OCA2: variants seen among roughly 807,000 people sequenced by gnomAD.
OCA2 encodes P protein.
A neutral mutation model predicts 100.2 loss-of-function variants in OCA2; 77 were observed. The ratio of observed to expected loss-of-function variants is 0.77; its 90% CI spans 0.64 to 0.93. The LOEUF (loss-of-function observed/expected upper bound fraction) is 0.93. OCA2 is among the 40% of genes least tolerant of loss of function. The probability of loss-of-function intolerance (pLI) is 0.00; values close to 1 mark genes in which losing one functional copy is unlikely to be tolerated. For missense variants in OCA2, 1,062 were observed against 1,089.1 expected (o/e 0.98, Z 0.35); for synonymous variants, 432 against 439.2 (o/e 0.98, Z 0.21).
chr15:27,888,179 C>G (rs2037309238), intron 19 of OCA2, among the ~76,000 whole-genome samples: 1 of 152,152 alleles, frequency 6.6e-6, no homozygotes, highest in South Asian at 2.1e-4. Flanking sequence ...CCTTCCAGCC[C>G]CCAAGGCAGC....
intron 2 of OCA2, among the ~76,000 whole-genome samples, chr15:28,034,831 C>G (rs1234470705): frequency 1.3e-5 from 2 of 151,886 alleles, no homozygotes; most frequent in Non-Finnish European, 2.9e-5. Context: ...ACCTAGTAAT[C>G]ATAGCTTTTT....
At chr15:27,728,572 G>A in the OCA2 span, among the ~76,000 whole-genome samples, 5 of 152,128 alleles carry the variant, frequency 3.3e-5, no homozygotes, top group South Asian at 2.1e-4. Flanking sequence ...GATCACACAC[G>A]TACATCATGG....
intron 23 of OCA2, among the ~76,000 whole-genome samples, chr15:27,792,230 C>T (rs2033118866): frequency 6.6e-6 from 1 of 152,036 alleles, no homozygotes; most frequent in African/African-American, 2.4e-5. Context: ...CTTTCTTTCT[C>T]TTGCCTGCCT....
At chr15:27,990,729 G>C (rs1595777058) in intron 9 of OCA2, 82 bp from the exon 10 acceptor site, 1 of 1,140,142 alleles carries the variant, frequency 8.8e-7, no homozygotes. Context: ...ACATGAGGGG[G>C]TCTATATCTG....
At chr15:28,084,494 T>G (rs2044740379) in intron 1 of OCA2, among the ~76,000 whole-genome samples, 1 of 152,224 alleles carries the variant, frequency 6.6e-6, no homozygotes, top group South Asian at 2.1e-4. Flanking sequence ...GAGTTTTTTA[T>G]TGCTGCAAAA....
chr15:27,963,982 T>C (rs1358291759), intron 15 of OCA2, among the ~76,000 whole-genome samples: 4 of 152,132 alleles, frequency 2.6e-5, no homozygotes, highest in South Asian at 4.1e-4. Context: ...TTTATAACAA[T>C]ACATTCAACA....
chr15:27,732,849 A>C, the OCA2 span, among the ~76,000 whole-genome samples: 1 of 152,232 alleles, frequency 6.6e-6, no homozygotes, highest in East Asian at 1.9e-4. Context: ...AAAATAGGGT[A>C]TAAGGAAATA....
At chr15:27,863,396 C>T (rs2036208237) in intron 21 of OCA2, among the ~76,000 whole-genome samples, 1 of 152,196 alleles carries the variant, frequency 6.6e-6, no homozygotes, top group South Asian at 2.1e-4. Context: ...CTATTTATAG[C>T]TGGCAGGGGC....
intron 9 of OCA2, among the ~76,000 whole-genome samples, chr15:28,005,802 C>A (rs920518751): frequency 2.0e-5 from 3 of 152,154 alleles, no homozygotes; most frequent in African/African-American, 7.2e-5. Flanking sequence ...GATGTGGCAT[C>A]TTGGAAGTGG....
At chr15:27,803,973 C>T (rs1358312635) in intron 23 of OCA2, among the ~76,000 whole-genome samples, 2 of 152,144 alleles carry the variant, frequency 1.3e-5, no homozygotes, top group African/African-American at 4.8e-5. Flanking sequence ...TGGGTAGAAG[C>T]GTGATGGGTA....
At chr15:27,752,195 T>C (rs180996141), downstream of OCA2, among the ~76,000 whole-genome samples, 38 of 152,334 alleles carry the variant, frequency 2.5e-4, no homozygotes, top group African/African-American at 8.7e-4. Flanking sequence ...ATTTTCATGG[T>C]GAATTCAGAC....
At chr15:27,766,256 T>C (rs531785921) in intron 23 of OCA2, among the ~76,000 whole-genome samples, 47 of 152,354 alleles carry the variant, frequency 3.1e-4, no homozygotes, top group Non-Finnish European at 5.6e-4. Flanking sequence ...ATAGTCAACA[T>C]AACATTTTGA....
chr15:28,017,617 T>A (rs559163616), intron 7 of OCA2, among the ~76,000 whole-genome samples: 159 of 152,320 alleles, frequency 1.0e-3, no homozygotes, highest in Non-Finnish European at 2.1e-4. Context: ...TAGTTCATAA[T>A]GAGACCTTTG....
chr15:28,079,560 G>A (rs1260179838), intron 2 of OCA2, among the ~76,000 whole-genome samples: 1 of 152,092 alleles, frequency 6.6e-6, no homozygotes, highest in African/African-American at 2.4e-5. Context: ...CTGTGGGTGG[G>A]TTGGGCCAAC....
At position 28,018,471 on chromosome 15, in the gene OCA2, C is replaced by A. The variant is rs1439057856; in HGVS notation, c.733G>T (p.Gly245Trp). The A allele has an allele frequency of 8.7e-6, 14 of 1,613,986 alleles. 1 individual carries two copies. The highest frequency in any genetic ancestry group is 1.2e-5 in the Non-Finnish European group (14 of 1,179,992). Residue 245 changes from glycine to tryptophan, a missense_variant, in exon 7 of 24, where the codon GGG becomes TGG. Physicochemically the swap from Gly to Trp is radical, Grantham distance 184 (BLOSUM62 -2). Coordinates refer to ENST00000354638, the MANE Select transcript of OCA2 (RefSeq NM_000275.3). ...TCCACCACGATGTGCTCTTCCCTCC[C>A]AGGACGACTCGGCCCACTGGCCACT... is the stretch of plus-strand genomic sequence containing the variant. ...ALVASGPSRP[G>W]REEHIVVELT...
At chr15:27,949,347 T>G (rs948716652) in intron 18 of OCA2, among the ~76,000 whole-genome samples, 5 of 152,172 alleles carry the variant, frequency 3.3e-5, no homozygotes, top group Non-Finnish European at 7.3e-5. Context: ...GAGGCTCAAC[T>G]TACACAGCAG....
intron 1 of OCA2, among the ~76,000 whole-genome samples, chr15:28,097,724 C>G (rs2141987549): frequency 6.6e-6 from 1 of 152,314 alleles, no homozygotes; most frequent in Non-Finnish European, 1.5e-5. Context: ...TGAAGCCACA[C>G]CTGGCCTTTC....
intron 18 of OCA2, among the ~76,000 whole-genome samples, chr15:27,927,167 T>G (rs989594302): frequency 6.6e-6 from 1 of 152,100 alleles, no homozygotes; most frequent in Non-Finnish European, 1.5e-5. Context: ...CACATGCCTG[T>G]AATCCCAGCT....
chr15:28,003,448 C>G (rs2041989728), intron 9 of OCA2, among the ~76,000 whole-genome samples: 1 of 152,240 alleles, frequency 6.6e-6, no homozygotes, highest in Admixed American at 6.5e-5. Flanking sequence ...GACGCCCGTC[C>G]GTGCCCCACG....
Sources: gnomAD v4.1 joint callset for allele counts (sites outside exome capture counted in the v4.1 genomes callset) on GRCh38, gnomAD v4.1.1 for gene constraint, MANE v1.5 for transcripts, NCBI Gene and HGNC (gene_info 2026-07-23, HGNC 2026-07-21) for gene names.